WASHC2C: variants seen among roughly 807,000 people sequenced by gnomAD.
WASHC2C encodes WASH complex subunit 2C.
A neutral mutation model predicts 142.2 loss-of-function variants in WASHC2C; 73 were observed. That is an observed-to-expected ratio of 0.51 (90% CI 0.43 to 0.62). The LOEUF (loss-of-function observed/expected upper bound fraction) is 0.62, where lower values mean the gene tolerates loss of function less well. Among genes scored for constraint, WASHC2C ranks in the 20% least tolerant of loss-of-function variants. WASHC2C has a pLI of 0.00. For synonymous variants in WASHC2C, 337 were observed against 565.5 expected (o/e 0.60, Z 5.73); for missense variants, 969 against 1,531.7 (o/e 0.63, Z 6.13).
intron 6 of WASHC2C, among the ~76,000 whole-genome samples, chr10:45,744,303 CTG>C (rs2052525115): frequency 1.4e-5 from 2 of 147,816 alleles, no homozygotes; most frequent in African/African-American, 5.0e-5. Flanking sequence ...AGGTGATCCT[CTG>C]TGTGTGTTTT....
intron 3 of WASHC2C, among the ~76,000 whole-genome samples, chr10:45,734,805 C>G (rs1431116257): frequency 8.5e-5 from 13 of 152,112 alleles, no homozygotes; most frequent in African/African-American, 3.1e-4. Flanking sequence ...ACTGCAGCCT[C>G]AAACTCCTGG....
intron 19 of WASHC2C, among the ~76,000 whole-genome samples, chr10:45,766,127 C>T (rs1222267121): frequency 1.3e-5 from 2 of 151,894 alleles, no homozygotes; most frequent in Non-Finnish European, 2.9e-5. Flanking sequence ...GAACAAATGA[C>T]AGATTAACCA....
At chr10:45,734,085 C>T (rs1307420656) in intron 3 of WASHC2C, among the ~76,000 whole-genome samples, 2 of 151,882 alleles carry the variant, frequency 1.3e-5, no homozygotes, top group Admixed American at 6.6e-5. Context: ...ATTAGCCAGG[C>T]GTGGTGGCAG....
At chr10:45,742,666 T>C (rs2134324098) in intron 5 of WASHC2C, among the ~76,000 whole-genome samples, 1 of 152,314 alleles carries the variant, frequency 6.6e-6, no homozygotes, top group African/African-American at 2.4e-5. Flanking sequence ...TCATTAGTAC[T>C]GCTTTTTAGG....
intron 26 of WASHC2C, 52 bp from the exon 27 acceptor site, chr10:45,786,560 C>G (rs1741246009): frequency 6.2e-7 from 1 of 1,605,250 alleles, no homozygotes; most frequent in African/African-American, 1.3e-5. Flanking sequence ...ATAAGAAACA[C>G]TTGTCTTTCT....
At position 45,788,739 on chromosome 10, in the gene WASHC2C, G is replaced by A. The variant is rs1405251776; in HGVS notation, c.3088-132G>A. 3.5e-6 allele frequency: 5 copies of A among 1,435,452 alleles called. No homozygotes were observed. The African/African-American group carries it at 7.0e-5, about 20-fold the overall frequency. 88.9% of individuals were successfully genotyped at this position (1,435,452 alleles called of 1,614,324 possible). A position where few individuals can be genotyped will look rare whatever the true frequency, so the allele number is the denominator to read the frequency against. ...ATCATTAAGAAATAACCTCTTCTAT[G>A]TTCTTAGATAATATCTTCATTGAAG... On this transcript the variant is annotated intron_variant, in intron 28 of 30. Transcript: ENST00000623400.
intron 5 of WASHC2C, among the ~76,000 whole-genome samples, chr10:45,741,109 A>C (rs2051983048): frequency 6.6e-6 from 1 of 151,666 alleles, no homozygotes; most frequent in Non-Finnish European, 1.5e-5. Flanking sequence ...CACCACACCC[A>C]GCTAATTTTT....
intron 5 of WASHC2C, among the ~76,000 whole-genome samples, chr10:45,741,758 G>C (rs1436566679): frequency 1.3e-5 from 2 of 151,434 alleles, no homozygotes; most frequent in East Asian, 3.9e-4. Context: ...CAGCAGTGGA[G>C]GTAGGAGGCT....
intron 23 of WASHC2C, among the ~76,000 whole-genome samples, chr10:45,784,271 T>C (rs1399187924): frequency 0.1 from 905 of 8,720 alleles, 50 homozygotes; most frequent in African/African-American, 0.18. Context: ...TATATATATA[T>C]ATATATATAT....
Position 45,785,505 on chromosome 10 carries a change from G to A in WASHC2C, c.2689-4G>A. ...GCCTTTTTGGTATTTTTTTTCTTTT[G>A]AAGGTACAAGAGAAAAAGAGAGTAG... On this transcript the variant is annotated splice_region_variant and splice_polypyrimidine_tract_variant and intron_variant, in intron 25 of 30. Coordinates refer to ENST00000623400, the MANE Select transcript of WASHC2C (RefSeq NM_001330074.2). The A allele has an allele frequency of 6.2e-7, 1 of 1,608,036 alleles. No individual in the cohort carries two copies. Among genetic ancestry groups the A allele is most frequent in the Non-Finnish European group, 8.5e-7 (1 of 1,178,306 alleles).
In WASHC2C at chr10:45,750,852, A is replaced by G. The variant is rs2805163; in HGVS notation, c.931+14A>G. 722,142 of 1,488,246 alleles carry G rather than the reference A, an allele frequency of 0.49. 186,149 individuals carry two copies. Among genetic ancestry groups the G allele is most frequent in the East Asian group, 0.67 (27,236 of 40,354 alleles). 92.2% of individuals were successfully genotyped at this position (1,488,246 alleles called of 1,614,324 possible). A position where few individuals can be genotyped will look rare whatever the true frequency, so the allele number is the denominator to read the frequency against. On this transcript the variant is annotated intron_variant, in intron 10 of 30. Coordinates refer to ENST00000623400, the MANE Select transcript of WASHC2C (RefSeq NM_001330074.2). ...AGGAGCCGACAAGTGAGCCCCAGCC[A>G]CGTTGATGGGGAGTAGGGGAGGAGT...
At chr10:45,749,142 G>GT (rs1554872720) in intron 8 of WASHC2C, among the ~76,000 whole-genome samples, 1 of 151,992 alleles carries the variant, frequency 6.6e-6, no homozygotes, top group African/African-American at 2.4e-5. Context: ...GCTGGGCATG[G>GT]TGGCTCACGC....
intron 29 of WASHC2C, 98 bp from the exon 30 acceptor site, chr10:45,790,258 A>G: frequency 1.9e-6 from 3 of 1,591,122 alleles, no homozygotes; most frequent in Non-Finnish European, 2.6e-6. Context: ...CGTTCCACAC[A>G]CCCTGGCCAA....
chr10:45,790,373 G>A lies in WASHC2C; in HGVS notation c.3726G>A (p.Thr1242=), dbSNP rs1389238341. ...QDIFEDDIFA[T]EAIKPSQKTR... ...TTAACAAGGATGATATATTTGCTACGGAAGCAATTAAACCCTCTCAGAAAA... is the reference window on the plus strand; with the variant it reads ...TTAACAAGGATGATATATTTGCTACAGAAGCAATTAAACCCTCTCAGAAAA... Residue 1242 remains threonine (T), a synonymous_variant, in exon 30 of 31, where the codon ACG becomes ACA. Coordinates refer to ENST00000623400, the MANE Select transcript of WASHC2C (RefSeq NM_001330074.2). 1.8e-5 allele frequency: 29 copies of A among 1,608,334 alleles called. No homozygotes were observed. The South Asian group carries it at 2.2e-4, about 12-fold the overall frequency.
chr10:45,784,126 CATT>C (rs1554888773), intron 23 of WASHC2C, among the ~76,000 whole-genome samples: 3 of 151,336 alleles, frequency 2.0e-5, no homozygotes, highest in African/African-American at 7.3e-5. Context: ...AAATGTTTCT[CATT>C]ATGGAACTAA....
At position 45,792,326 on chromosome 10, in the gene WASHC2C, G is replaced by T. The variant is rs1269226047; in HGVS notation, c.3952G>T (p.Ala1318Ser). 1.8e-4 allele frequency: 279 copies of T among 1,565,158 alleles called. 37 individuals carry two copies. Among genetic ancestry groups the T allele is most frequent in the Non-Finnish European group, 2.3e-4 (261 of 1,146,726 alleles). ...ACCAAAAAGCCGATCTGCACAGGCC[G>T]CACCTGAACCAAGATTTGAACACAA... Reference protein sequence around the residue: ...TKPKSRSAQAAPEPRFEHKVS... With the variant: ...TKPKSRSAQASPEPRFEHKVS... The change falls in exon 31 of 31, where the codon GCA (alanine) becomes TCA (serine). Residue 1318 changes from alanine to serine, a missense_variant. Physicochemically the swap from Ala to Ser is moderately conservative, Grantham distance 99. Transcript: ENST00000623400.
intron 3 of WASHC2C, among the ~76,000 whole-genome samples, chr10:45,736,405 CA>C (rs71520974): frequency 0.16 from 3,812 of 24,350 alleles, 5 homozygotes; most frequent in Admixed American, 0.21. Flanking sequence ...GACTCCATCT[CA>C]AAAAAAAAAA....
chr10:45,749,825 C>CAAAAA lies in WASHC2C; in HGVS notation c.733-263_733-259dup, dbSNP rs1168283573. Reference sequence around the variant, plus strand: ...TGGGCCACAGAGCAAGACTCCATCTCAAAAAAAAAAAATATATATATATAT... The same window carrying CAAAAA: ...TGGGCCACAGAGCAAGACTCCATCTCAAAAAAAAAAAAAAAAATATATATATATAT... On this transcript the variant is annotated intron_variant, in intron 8 of 30. Coordinates refer to ENST00000623400, the MANE Select transcript of WASHC2C (RefSeq NM_001330074.2). Among the ~76,000 whole-genome samples, 602 of 76,704 alleles carry CAAAAA rather than the reference C, an allele frequency of 7.8e-3. 4 individuals carry two copies. Among genetic ancestry groups the CAAAAA allele is most frequent in the Non-Finnish European group, 9.7e-3 (411 of 42,354 alleles). 50.3% of individuals were successfully genotyped at this position (76,704 alleles called of 152,430 possible). A position where few individuals can be genotyped will look rare whatever the true frequency, so the allele number is the denominator to read the frequency against.
intron 18 of WASHC2C, among the ~76,000 whole-genome samples, chr10:45,764,392 G>A (rs2055531117): frequency 1.3e-5 from 2 of 151,678 alleles, no homozygotes; most frequent in Admixed American, 1.3e-4. Flanking sequence ...GTGTAGAAGT[G>A]GACCTGTGCA....
Sources: gnomAD v4.1 joint callset for allele counts (sites outside exome capture counted in the v4.1 genomes callset) on GRCh38, gnomAD v4.1.1 for gene constraint, MANE v1.5 for transcripts, NCBI Gene and HGNC (gene_info 2026-07-23, HGNC 2026-07-21) for gene names.